Variants in PTPRD observed in about 807,000 individuals in gnomAD.
PTPRD encodes receptor-type tyrosine-protein phosphatase delta.
A neutral mutation model predicts 214.5 loss-of-function variants in PTPRD; 34 were observed. The ratio of observed to expected loss-of-function variants is 0.16; its 90% CI spans 0.12 to 0.21. The LOEUF (loss-of-function observed/expected upper bound fraction) is 0.21, where lower values mean the gene tolerates loss of function less well. Among genes scored for constraint, PTPRD ranks in the 10% least tolerant of loss-of-function variants. PTPRD has a pLI of 1.00. For synonymous variants in PTPRD, 1,128 were observed against 845.7 expected (o/e 1.33, Z -5.79); for missense variants, 2,545 against 2,398.7 (o/e 1.06, Z -1.27).
chr9:8,545,357 A>G lies in PTPRD; in HGVS notation c.353-16578T>C, dbSNP rs114511104. Among the ~76,000 whole-genome samples the G allele has an allele frequency of 1.5e-3, 232 of 152,306 alleles. 1 individual carries two copies. The highest frequency in any genetic ancestry group is 5.4e-3 in the African/African-American group (225 of 41,562). ...ACCTGTAACAGAGTTAATCGGGGGT[A>G]CCTGGACTCCAGGATCCCTAAGTTC... is the stretch of plus-strand genomic sequence containing the variant. On this transcript the variant is annotated intron_variant, in intron 14 of 45. Transcript: ENST00000381196.
chr9:9,687,276 T>C (rs2097182303), intron 7 of PTPRD, among the ~76,000 whole-genome samples: 1 of 151,810 alleles, frequency 6.6e-6, no homozygotes, highest in Admixed American at 6.6e-5. Context: ...CTTGCTAAAA[T>C]GAAGAAACAG....
intron 3 of PTPRD, among the ~76,000 whole-genome samples, chr9:10,296,583 CTTCT>C (rs2095681702): frequency 6.6e-6 from 1 of 152,060 alleles, no homozygotes; most frequent in Non-Finnish European, 1.5e-5. Context: ...CGATTAAAGC[CTTCT>C]TTCTTGTCAA....
chr9:9,238,274 C>T (rs1367039828), intron 9 of PTPRD, among the ~76,000 whole-genome samples: 5 of 152,086 alleles, frequency 3.3e-5, no homozygotes, highest in Non-Finnish European at 1.5e-5. Context: ...TTTGAGGATA[C>T]CAAGGGTTAG....
At chr9:9,419,616 T>G (rs921237619) in intron 8 of PTPRD, among the ~76,000 whole-genome samples, 13 of 151,794 alleles carry the variant, frequency 8.6e-5, no homozygotes, top group Non-Finnish European at 1.6e-4. Context: ...ATCCTTTCTT[T>G]GTTCATGTTT....
chr9:8,894,557 G>C (rs376371086), intron 11 of PTPRD, among the ~76,000 whole-genome samples: 4 of 152,010 alleles, frequency 2.6e-5, no homozygotes, highest in Non-Finnish European at 5.9e-5. Flanking sequence ...TATAGATGTG[G>C]TCATACATGA....
chr9:8,684,837 T>C (rs2097646140), intron 12 of PTPRD, among the ~76,000 whole-genome samples: 1 of 152,152 alleles, frequency 6.6e-6, no homozygotes, highest in Admixed American at 6.6e-5. Context: ...CAATGAATAT[T>C]TTCATTCAAA....
intron 11 of PTPRD, among the ~76,000 whole-genome samples, chr9:8,975,964 T>C (rs151005410): frequency 3.9e-5 from 6 of 152,136 alleles, no homozygotes; most frequent in African/African-American, 1.2e-4. Flanking sequence ...ATTTAAGTAA[T>C]CCCTCATAGT....
chr9:9,582,728 ATT>A (rs1249663909), intron 7 of PTPRD, among the ~76,000 whole-genome samples: 1 of 152,054 alleles, frequency 6.6e-6, no homozygotes, highest in Non-Finnish European at 1.5e-5. Flanking sequence ...TTACAAAGAT[ATT>A]TGTGTGGTAT....
chr9:10,128,900 CTT>C (rs1591868072), intron 3 of PTPRD, among the ~76,000 whole-genome samples: 1 of 152,018 alleles, frequency 6.6e-6, no homozygotes, highest in African/African-American at 2.4e-5. Flanking sequence ...TTAATATAGT[CTT>C]ATATATTTAA....
intron 2 of PTPRD, among the ~76,000 whole-genome samples, chr9:10,426,853 A>T (rs534189109): frequency 6.6e-6 from 1 of 152,216 alleles, no homozygotes; most frequent in African/African-American, 2.4e-5. Context: ...TTGTGTCCAC[A>T]GGTTGGCAAA....
intron 4 of PTPRD, among the ~76,000 whole-genome samples, chr9:9,947,503 TATATATATA>T (rs1293409878): frequency 9.5e-5 from 3 of 31,602 alleles, no homozygotes; most frequent in African/African-American, 1.3e-4. Context: ...ATATATATTT[TATATATATA>T]ATATATATAT....
chr9:8,359,118 A>C (rs1181736552), intron 39 of PTPRD, among the ~76,000 whole-genome samples: 39 of 22,574 alleles, frequency 1.7e-3, no homozygotes, highest in East Asian at 4.7e-3. Context: ...AAAAAAAAAA[A>C]AAAACAAAAA....
At chr9:9,824,827 A>T (rs949133523) in intron 5 of PTPRD, among the ~76,000 whole-genome samples, 4 of 152,098 alleles carry the variant, frequency 2.6e-5, no homozygotes, top group African/African-American at 7.2e-5. Context: ...GACAAAGCTC[A>T]TCACAAAATA....
intron 36 of PTPRD, among the ~76,000 whole-genome samples, chr9:8,402,522 T>C (rs969334593): frequency 1.3e-5 from 2 of 152,164 alleles, no homozygotes; most frequent in African/African-American, 2.4e-5. Context: ...GACTGACAAG[T>C]TCCCCAGGCG....
At chr9:8,532,625 A>T (rs1023864560) in intron 14 of PTPRD, among the ~76,000 whole-genome samples, 1 of 152,088 alleles carries the variant, frequency 6.6e-6, no homozygotes, top group Admixed American at 6.6e-5. Flanking sequence ...AAAGTGCCTT[A>T]CTTATCACTG....
At chr9:9,802,640 G>T (rs1020334198) in intron 5 of PTPRD, among the ~76,000 whole-genome samples, 3 of 150,056 alleles carry the variant, frequency 2.0e-5, no homozygotes, top group African/African-American at 7.5e-5. Flanking sequence ...AGGATGCTAG[G>T]AACGTTTTTT....
chr9:8,786,055 G>A (rs1599729769), intron 11 of PTPRD, among the ~76,000 whole-genome samples: 1 of 151,102 alleles, frequency 6.6e-6, no homozygotes, highest in Non-Finnish European at 1.5e-5. Flanking sequence ...GTGTGTGTGT[G>A]TGTGTGTGTG....
intron 13 of PTPRD, among the ~76,000 whole-genome samples, chr9:8,634,861 T>C (rs1433821906): frequency 6.6e-6 from 1 of 151,572 alleles, no homozygotes; most frequent in Non-Finnish European, 1.5e-5. Flanking sequence ...TCTTACAACA[T>C]ACAATATACC....
chr9:10,228,773 A>C (rs2099597815), intron 3 of PTPRD, among the ~76,000 whole-genome samples: 1 of 149,452 alleles, frequency 6.7e-6, no homozygotes, highest in South Asian at 2.1e-4. Flanking sequence ...TATATGTATA[A>C]ATATGTGATA....
Sources: allele counts gnomAD v4.1 joint callset (sites outside exome capture counted in the v4.1 genomes callset), GRCh38; gene constraint gnomAD v4.1.1; transcripts MANE v1.5; gene names NCBI Gene and HGNC (gene_info 2026-07-23, HGNC 2026-07-21).